The following PARD3B variants were observed in gnomAD, a reference collection of about 807,000 sequenced individuals.
The protein encoded by PARD3B is par-3 family cell polarity regulator beta.
PARD3B carries 103 observed loss-of-function variants against 130.2 expected under a neutral mutation model. That is an observed-to-expected ratio of 0.79 (90% CI 0.67 to 0.93). The LOEUF (loss-of-function observed/expected upper bound fraction) is 0.93. Ranked by LOEUF, PARD3B falls within the 40% of genes least tolerant of loss-of-function variation. The probability of loss-of-function intolerance (pLI) is 0.00; values close to 1 mark genes in which losing one functional copy is unlikely to be tolerated. For synonymous variants in PARD3B, 583 were observed against 553.2 expected, an observed-to-expected ratio of 1.05 and a Z score of -0.76; for missense variants, 1,609 against 1,499.2, an observed-to-expected ratio of 1.07 and a Z score of -1.21.
chr2:204,654,064 C>T (rs991089030), intron 1 of PARD3B, among the ~76,000 whole-genome samples: 3 of 151,234 alleles, frequency 2.0e-5, no homozygotes, highest in Non-Finnish European at 2.9e-5. Context: ...ACTGCATCTT[C>T]ACGTCTTATT....
chr2:205,594,697 G>A (rs1177345339), intron 22 of PARD3B, among the ~76,000 whole-genome samples: 2 of 152,198 alleles, frequency 1.3e-5, no homozygotes, highest in African/African-American at 4.8e-5. Context: ...ACTTTGAAGT[G>A]TCAGCAACTG....
chr2:204,604,009 G>C (rs1445872616), intron 1 of PARD3B, among the ~76,000 whole-genome samples: 7 of 152,134 alleles, frequency 4.6e-5, no homozygotes, highest in Non-Finnish European at 7.4e-5. Flanking sequence ...TACCTGCTGG[G>C]TGAGTAATAA....
Position 205,217,844 on chromosome 2 carries a change from ATG to A in PARD3B, c.2140+24548_2140+24549del, listed in dbSNP as rs747500423. 1.5e-3 allele frequency among the ~76,000 whole-genome samples: 132 copies of A among 88,712 alleles called. No homozygotes were observed. The Middle Eastern group carries it at 0.029, about 19-fold the overall frequency. The allele number at this position is 88,712 out of a possible 152,430, so 58.2% of individuals were successfully genotyped here. A position where few individuals can be genotyped will look rare whatever the true frequency, so the allele number is the denominator to read the frequency against. On this transcript the variant is annotated intron_variant, in intron 15 of 22. Coordinates refer to ENST00000406610, the MANE Select transcript of PARD3B (RefSeq NM_001302769.2). The stretch of plus-strand genomic sequence containing the variant: ...TATGTGTGTGTATATATGTGTGTAT[ATG>A]TGTGTGTGTGTGTGTGTGTGTGTAT...
chr2:205,290,820 T>C (rs1465695687), intron 16 of PARD3B, among the ~76,000 whole-genome samples: 1 of 152,150 alleles, frequency 6.6e-6, no homozygotes, highest in Non-Finnish European at 1.5e-5. Context: ...TGGAACCCTC[T>C]TGAATAGGTT....
rs961370027 is a variant in PARD3B, at chr2:205,303,668, T to C, written c.2630+1967T>C. Among the ~76,000 whole-genome samples, 9 of 152,160 alleles carry C rather than the reference T, an allele frequency of 5.9e-5. 1 individual carries two copies. Among genetic ancestry groups the C allele is most frequent in the African/African-American group, 1.7e-4 (7 of 41,438 alleles). ...TCTCCAGCACATCCCACACCAGCTC[T>C]GGGCCTCCTCACTCCAGAAGCACAC... On this transcript the variant is annotated intron_variant, in intron 18 of 22. Transcript: ENST00000406610.
intron 2 of PARD3B, among the ~76,000 whole-genome samples, chr2:204,964,556 T>C (rs1329919012): frequency 6.6e-6 from 1 of 152,094 alleles, no homozygotes; most frequent in African/African-American, 2.4e-5. Context: ...GAGTCAGTCA[T>C]GAAGGAAAAG....
chr2:205,113,828 T>C (rs1703830626), intron 6 of PARD3B, among the ~76,000 whole-genome samples: 1 of 152,150 alleles, frequency 6.6e-6, no homozygotes, highest in South Asian at 2.1e-4. Context: ...TCTTAAAGTA[T>C]CCTTATCAGT....
At chr2:205,546,593 C>T (rs557540320) in intron 21 of PARD3B, among the ~76,000 whole-genome samples, 1 of 152,192 alleles carries the variant, frequency 6.6e-6, no homozygotes, top group South Asian at 2.1e-4. Context: ...TTATAAATGC[C>T]TGTGTCTCTT....
At chr2:205,600,854 A>G (rs943193472) in intron 22 of PARD3B, among the ~76,000 whole-genome samples, 3 of 152,180 alleles carry the variant, frequency 2.0e-5, no homozygotes, top group Non-Finnish European at 4.4e-5. Flanking sequence ...TTATGGCTGC[A>G]TAGTATTCCA....
intron 2 of PARD3B, among the ~76,000 whole-genome samples, chr2:204,902,306 A>C (rs2046889709): frequency 6.6e-6 from 1 of 152,152 alleles, no homozygotes; most frequent in South Asian, 2.1e-4. Flanking sequence ...TTGAGACTCG[A>C]GATTAAAATA....
intron 2 of PARD3B, among the ~76,000 whole-genome samples, chr2:204,760,769 A>G (rs1250205848): frequency 6.6e-6 from 1 of 152,156 alleles, no homozygotes; most frequent in Non-Finnish European, 1.5e-5. Context: ...TTCGTAGGTG[A>G]AAGTACTGTG....
chr2:204,697,746 C>T (rs902050965), intron 2 of PARD3B, among the ~76,000 whole-genome samples: 1 of 152,048 alleles, frequency 6.6e-6, no homozygotes, highest in Non-Finnish European at 1.5e-5. Context: ...GATTCTCTCT[C>T]CCTTCAACTT....
chr2:204,760,527 T>C (rs970641041), intron 2 of PARD3B, among the ~76,000 whole-genome samples: 1 of 152,084 alleles, frequency 6.6e-6, no homozygotes, highest in African/African-American at 2.4e-5. Context: ...CTGGCTCCTG[T>C]AGTTTTTCTT....
chr2:205,161,646 TC>T (rs1383424963), intron 11 of PARD3B, among the ~76,000 whole-genome samples: 1 of 152,220 alleles, frequency 6.6e-6, no homozygotes, highest in African/African-American at 2.4e-5. Flanking sequence ...TTTGTTCCTG[TC>T]CCTGTTGAGA....
In PARD3B at chr2:205,043,791, CT is replaced by C. The variant is rs545296186; in HGVS notation, c.395-3782del. ...TGCATTAGGACTTACCTTTCTTTGT[CT>C]TTTTTTTAAATTTTTTATTTATTAT... is the stretch of plus-strand genomic sequence containing the variant. On this transcript the variant is annotated intron_variant, in intron 3 of 22. Coordinates refer to ENST00000406610, the MANE Select transcript of PARD3B (RefSeq NM_001302769.2). Among the ~76,000 whole-genome samples, 65 of 151,628 alleles carry C rather than the reference CT, an allele frequency of 4.3e-4. 2 individuals are homozygous for C. In the South Asian group the frequency reaches 0.013, roughly 31 times the overall value.
chr2:204,797,190 A>AAC (rs1036905241), intron 2 of PARD3B, among the ~76,000 whole-genome samples: 5 of 151,842 alleles, frequency 3.3e-5, no homozygotes, highest in African/African-American at 1.2e-4. Context: ...AAAAAAAAAA[A>AAC]AAAAAGTTTA....
intron 12 of PARD3B, among the ~76,000 whole-genome samples, chr2:205,175,047 T>C (rs10170069): frequency 0.35 from 53,299 of 151,958 alleles, 9,576 homozygotes; most frequent in Middle Eastern, 0.5. Context: ...AAGCAGAATA[T>C]GTTTAAAAAT....
intron 2 of PARD3B, among the ~76,000 whole-genome samples, chr2:204,931,236 T>C (rs1183469159): frequency 6.6e-6 from 1 of 152,134 alleles, no homozygotes; most frequent in Admixed American, 6.6e-5. Context: ...CTGTAAGCTA[T>C]TTGAGCTCAG....
intron 11 of PARD3B, among the ~76,000 whole-genome samples, chr2:205,161,186 A>G (rs2034483674): frequency 6.6e-6 from 1 of 152,216 alleles, no homozygotes; most frequent in South Asian, 2.1e-4. Context: ...AAGCTCAAGC[A>G]GATATTGGCG....
Sources: allele counts gnomAD v4.1 joint callset (sites outside exome capture counted in the v4.1 genomes callset), GRCh38; gene constraint gnomAD v4.1.1; transcripts MANE v1.5; gene names NCBI Gene and HGNC (gene_info 2026-07-23, HGNC 2026-07-21).